The following NRG3 variants were observed in gnomAD, a reference collection of about 807,000 sequenced individuals.
The protein encoded by NRG3 is neuregulin 3, also known as pro-neuregulin-3, membrane-bound isoform.
NRG3 carries 31 observed loss-of-function variants against 66.9 expected under a neutral mutation model. The observed-to-expected ratio is 0.46, with a 90% CI of 0.35 to 0.63. The LOEUF (loss-of-function observed/expected upper bound fraction) is 0.63. Among genes scored for constraint, NRG3 ranks in the 20% least tolerant of loss-of-function variants. NRG3 has a pLI of 0.00. For synonymous variants in NRG3, 393 were observed against 359.4 expected (o/e 1.09, Z -1.06); for missense variants, 910 against 878.9 (o/e 1.04, Z -0.45).
intron 2 of NRG3, among the ~76,000 whole-genome samples, chr10:82,548,567 G>T (rs7916407): frequency 1.4e-5 from 2 of 143,622 alleles, no homozygotes; most frequent in African/African-American, 2.5e-5. Flanking sequence ...ACACGCACAC[G>T]CACAATCCAG....
intron 1 of NRG3, among the ~76,000 whole-genome samples, chr10:82,357,448 C>T (rs977505123): frequency 1.3e-5 from 2 of 152,136 alleles, no homozygotes; most frequent in Admixed American, 6.5e-5. Flanking sequence ...TAACTGAATA[C>T]CCGAAGCTAG....
intron 2 of NRG3, among the ~76,000 whole-genome samples, chr10:82,682,540 C>T (rs1319317319): frequency 1.3e-5 from 2 of 152,158 alleles, no homozygotes; most frequent in African/African-American, 2.4e-5. Flanking sequence ...ATAGTGCTTG[C>T]TCTAACAAGT....
rs778147647 is a variant in NRG3, at chr10:82,740,253, C to T, written c.1027+1603C>T. ...TCTTCCTTCCTTCCTCCCTCCCTCC[C>T]TTCTTTCCTGTTTTGCTTTCTTTTC... On this transcript the variant is annotated intron_variant, in intron 3 of 8. Coordinates refer to ENST00000372141, the MANE Select transcript of NRG3 (RefSeq NM_001010848.4). Among the ~76,000 whole-genome samples the T allele has an allele frequency of 2.9e-4, 43 of 150,540 alleles. 1 individual carries two copies. The highest frequency in any genetic ancestry group is 9.8e-4 in the African/African-American group (40 of 41,006).
intron 1 of NRG3, among the ~76,000 whole-genome samples, chr10:82,269,383 CT>C (rs2078475028): frequency 6.6e-6 from 1 of 152,042 alleles, no homozygotes. Context: ...TGGATGTTTC[CT>C]GGAAAAGTCT....
chr10:81,918,984 C>T (rs950750306), intron 1 of NRG3, among the ~76,000 whole-genome samples: 1 of 150,766 alleles, frequency 6.6e-6, no homozygotes, highest in Non-Finnish European at 1.5e-5. Flanking sequence ...AACACACACA[C>T]ACACACACAC....
At chr10:82,531,385 T>C (rs1368820394) in intron 2 of NRG3, among the ~76,000 whole-genome samples, 2 of 151,852 alleles carry the variant, frequency 1.3e-5, no homozygotes, top group Non-Finnish European at 3.0e-5. Flanking sequence ...ATTTTTTACA[T>C]GTTCAAATGA....
chr10:82,036,357 C>G (rs1361550649), intron 1 of NRG3, among the ~76,000 whole-genome samples: 1 of 152,116 alleles, frequency 6.6e-6, no homozygotes, highest in Admixed American at 6.6e-5. Flanking sequence ...GTTAGGCTAT[C>G]TGCTTTCGTA....
At chr10:82,497,479 T>C (rs1159996345) in intron 2 of NRG3, among the ~76,000 whole-genome samples, 3 of 152,142 alleles carry the variant, frequency 2.0e-5, no homozygotes, top group African/African-American at 7.2e-5. Context: ...TGTCTTTCTG[T>C]GTTTGGCTTA....
At chr10:81,973,269 A>G (rs1204306025) in intron 1 of NRG3, among the ~76,000 whole-genome samples, 1 of 152,198 alleles carries the variant, frequency 6.6e-6, no homozygotes, top group Non-Finnish European at 1.5e-5. Context: ...ATAACATTCC[A>G]TGGTGTATGT....
At chr10:82,935,790 A>AT (rs931021370) in intron 4 of NRG3, among the ~76,000 whole-genome samples, 17 of 151,018 alleles carry the variant, frequency 1.1e-4, no homozygotes, top group Admixed American at 4.6e-4. Flanking sequence ...CGCCTGGATA[A>AT]TTTTTTTTTA....
At chr10:82,528,392 C>T (rs1278569615) in intron 2 of NRG3, among the ~76,000 whole-genome samples, 1 of 152,130 alleles carries the variant, frequency 6.6e-6, no homozygotes, top group East Asian at 1.9e-4. Context: ...AAGTGATTTG[C>T]AAATACATTA....
At chr10:82,600,509 C>A (rs1369485086) in intron 2 of NRG3, among the ~76,000 whole-genome samples, 1 of 152,114 alleles carries the variant, frequency 6.6e-6, no homozygotes, top group Non-Finnish European at 1.5e-5. Flanking sequence ...CTCGCTCTGT[C>A]ACCCTGGCTG....
chr10:82,572,442 C>G (rs551291436), intron 2 of NRG3, among the ~76,000 whole-genome samples: 8 of 151,748 alleles, frequency 5.3e-5, no homozygotes, highest in South Asian at 2.1e-4. Context: ...GAACAAACAC[C>G]CTTACTTGCA....
chr10:82,296,609 G>A (rs536420171), intron 1 of NRG3, among the ~76,000 whole-genome samples: 1 of 152,116 alleles, frequency 6.6e-6, no homozygotes, highest in Non-Finnish European at 1.5e-5. Flanking sequence ...GATCAAATCA[G>A]CATATTCAGG....
chr10:81,901,488 C>T lies in NRG3; in HGVS notation c.823+25325C>T, dbSNP rs140755345. The stretch of plus-strand genomic sequence containing the variant: ...TTTGAAACTAGCCTAGGCAACATAG[C>T]GAGATGCCGTCTCTACAAAAATGAA... On this transcript the variant is annotated intron_variant, in intron 1 of 8. Transcript: ENST00000372141. 8.8e-4 allele frequency among the ~76,000 whole-genome samples: 134 copies of T among 152,084 alleles called. 2 individuals are homozygous for T. In the East Asian group the frequency reaches 0.023, roughly 26 times the overall value.
chr10:82,149,074 GT>G (rs11332770), intron 1 of NRG3, among the ~76,000 whole-genome samples: 116,312 of 147,948 alleles, frequency 0.79, 45,497 homozygotes, highest in Middle Eastern at 0.86. Context: ...TTTTGTTTTT[GT>G]TTTTTTTTTA....
At chr10:82,870,820 A>T (rs1841274722) in intron 4 of NRG3, among the ~76,000 whole-genome samples, 1 of 152,136 alleles carries the variant, frequency 6.6e-6, no homozygotes, top group Non-Finnish European at 1.5e-5. Flanking sequence ...TTGAAAAATG[A>T]TCCTTTATTA....
At chr10:81,912,544 C>T (rs1156217) in intron 1 of NRG3, among the ~76,000 whole-genome samples, 68,040 of 152,156 alleles carry the variant, frequency 0.45, 18,740 homozygotes, top group East Asian at 0.81. Flanking sequence ...TATTTTGTAT[C>T]GATTATTCTA....
At chr10:82,073,206 C>T (rs747308171) in intron 1 of NRG3, among the ~76,000 whole-genome samples, 1 of 151,894 alleles carries the variant, frequency 6.6e-6, no homozygotes, top group African/African-American at 2.4e-5. Flanking sequence ...GTACAAGTGA[C>T]AACAAAATAA....
Sources: gnomAD v4.1 joint callset for allele counts (sites outside exome capture counted in the v4.1 genomes callset) on GRCh38, gnomAD v4.1.1 for gene constraint, MANE v1.5 for transcripts, NCBI Gene and HGNC (gene_info 2026-07-23, HGNC 2026-07-21) for gene names.